KLF17: variants seen among roughly 807,000 people sequenced by gnomAD.
The protein encoded by KLF17 is KLF transcription factor 17, also known as Krueppel-like factor 17.
In KLF17, 31 loss-of-function variants were observed where a neutral mutation model predicts 34.2. That is an observed-to-expected ratio of 0.91 (90% CI 0.68 to 1.22). The LOEUF is 1.22. Ranked by LOEUF, KLF17 falls within the 50% of genes most tolerant of loss-of-function variation. KLF17 has a pLI of 0.00. For missense variants in KLF17, 478 were observed against 505.2 expected (o/e 0.95, Z 0.52); for synonymous variants, 179 against 186.7 (o/e 0.96, Z 0.34).
At chr1:44,072,442 G>T in the KLF17 span, among the ~76,000 whole-genome samples, 1 of 152,080 alleles carries the variant, frequency 6.6e-6, no homozygotes. Context: ...TATAATCCCA[G>T]AACTTTGGGA....
At chr1:44,067,451 A>G in the KLF17 span, among the ~76,000 whole-genome samples, 1 of 152,232 alleles carries the variant, frequency 6.6e-6, no homozygotes, top group African/African-American at 2.4e-5. Flanking sequence ...ACAGAGTCTG[A>G]CATGAATATT....
the KLF17 span, among the ~76,000 whole-genome samples, chr1:44,101,924 T>C: frequency 6.6e-6 from 1 of 152,062 alleles, no homozygotes; most frequent in Non-Finnish European, 1.5e-5. Flanking sequence ...CATGGTGGCA[T>C]GCACATGTAG....
the KLF17 span, among the ~76,000 whole-genome samples, chr1:44,113,188 C>T: frequency 6.6e-6 from 1 of 152,144 alleles, no homozygotes; most frequent in Non-Finnish European, 1.5e-5. Context: ...ATTTCTTGAG[C>T]CCAAGAGTTC....
At chr1:44,096,395 T>C in the KLF17 span, among the ~76,000 whole-genome samples, 1 of 115,444 alleles carries the variant, frequency 8.7e-6, no homozygotes, top group Non-Finnish European at 2.0e-5. Flanking sequence ...ATTTTTATTA[T>C]TTATTTTTCT....
the KLF17 span, among the ~76,000 whole-genome samples, chr1:44,089,781 G>A: frequency 1.3e-5 from 2 of 152,134 alleles, no homozygotes; most frequent in Non-Finnish European, 2.9e-5. Context: ...AACATCCTGT[G>A]GGCTAGGCAC....
chr1:44,065,014 C>T, the KLF17 span, among the ~76,000 whole-genome samples: 2 of 152,136 alleles, frequency 1.3e-5, no homozygotes, highest in African/African-American at 4.8e-5. Context: ...ATAGGCTGGG[C>T]GTGGTGGCTC....
At chr1:44,103,226 G>A in the KLF17 span, 12 of 646,346 alleles carry the variant, frequency 1.9e-5, no homozygotes, top group Admixed American at 4.6e-5. Flanking sequence ...CGTTCCCTGT[G>A]CTCCCCTGCA....
At chr1:44,066,648 C>G in the KLF17 span, among the ~76,000 whole-genome samples, 4 of 152,006 alleles carry the variant, frequency 2.6e-5, no homozygotes, top group Admixed American at 6.5e-5. Flanking sequence ...AATCACATAC[C>G]CAGATATTCG....
the KLF17 span, among the ~76,000 whole-genome samples, chr1:44,046,495 A>C: frequency 6.6e-6 from 1 of 151,516 alleles, no homozygotes; most frequent in African/African-American, 2.4e-5. Context: ...TACTGCAATT[A>C]CAGGCATGGT....
the KLF17 span, among the ~76,000 whole-genome samples, chr1:44,102,614 A>ACACACACG: frequency 6.4e-5 from 8 of 125,850 alleles, no homozygotes; most frequent in Non-Finnish European, 8.9e-5. Context: ...ACACACACAC[A>ACACACACG]GAAAAGAAAA....
the KLF17 span, among the ~76,000 whole-genome samples, chr1:44,092,032 TAAA>T: frequency 8.0e-6 from 1 of 125,398 alleles, no homozygotes. Context: ...ACTACTGCAT[TAAA>T]AAAAAAAAAA....
At chr1:44,130,827 C>CAAAAA in intron 3 of KLF17, 71 bp downstream of exon 3, 3 of 1,459,200 alleles carry the variant, frequency 2.1e-6, no homozygotes, top group Non-Finnish European at 2.8e-6. Flanking sequence ...GACGGAGTCT[C>CAAAAA]ACTCTGTCTC....
At chr1:44,122,630 T>A in intron 1 of KLF17, 1 of 633,842 alleles carries the variant, frequency 1.6e-6, no homozygotes, top group Non-Finnish European at 2.9e-6. Flanking sequence ...AGTCTCACTC[T>A]CTCCCCCAGG....
chr1:44,046,492 ATT>A, the KLF17 span, among the ~76,000 whole-genome samples: 1 of 151,522 alleles, frequency 6.6e-6, no homozygotes, highest in Non-Finnish European at 1.5e-5. Flanking sequence ...AAGTACTGCA[ATT>A]ACAGGCATGG....
chr1:44,072,875 C>T, the KLF17 span, among the ~76,000 whole-genome samples: 1 of 151,918 alleles, frequency 6.6e-6, no homozygotes, highest in African/African-American at 2.4e-5. Context: ...GGAGGAAAAT[C>T]GGAAAACGTA....
the KLF17 span, among the ~76,000 whole-genome samples, chr1:44,067,277 A>G: frequency 6.6e-6 from 1 of 152,196 alleles, no homozygotes; most frequent in African/African-American, 2.4e-5. Context: ...CTTTGCAGAC[A>G]ACAGGATCTG....
At chr1:44,064,576 A>G in the KLF17 span, among the ~76,000 whole-genome samples, 1 of 152,218 alleles carries the variant, frequency 6.6e-6, no homozygotes, top group Non-Finnish European at 1.5e-5. Flanking sequence ...CTTTGGTATC[A>G]TTTGTGACAT....
chr1:44,104,602 C>A, the KLF17 span: 1 of 581,628 alleles, frequency 1.7e-6, no homozygotes, highest in South Asian at 1.7e-5. Flanking sequence ...TGCCGCTGGT[C>A]CCACCATAGC....
the KLF17 span, among the ~76,000 whole-genome samples, chr1:44,072,201 A>C: frequency 6.6e-6 from 1 of 151,720 alleles, no homozygotes; most frequent in African/African-American, 2.4e-5. Flanking sequence ...GAGCAACTGG[A>C]AGGAAGGAGT....
Sources: allele counts gnomAD v4.1 joint callset (sites outside exome capture counted in the v4.1 genomes callset), GRCh38; gene constraint gnomAD v4.1.1; transcripts MANE v1.5; gene names NCBI Gene and HGNC (gene_info 2026-07-23, HGNC 2026-07-21).